SGCD: variants seen among roughly 807,000 people sequenced by gnomAD.
The protein encoded by SGCD is delta-sarcoglycan.
Under a neutral mutation model 36.6 loss-of-function variants are expected in SGCD, and 18 were observed. The ratio of observed to expected loss-of-function variants is 0.49; its 90% CI spans 0.34 to 0.73. The LOEUF (loss-of-function observed/expected upper bound fraction) is 0.73. Among genes scored for constraint, SGCD ranks in the 30% least tolerant of loss-of-function variants. The pLI is 0.01. For missense variants in SGCD, 387 were observed against 346.7 expected (o/e 1.12, Z -0.92); for synonymous variants, 133 against 130.6 (o/e 1.02, Z -0.12).
intron 3 of SGCD, among the ~76,000 whole-genome samples, chr5:156,418,032 AAAGATCGTAG>A (rs1580960492): frequency 1.3e-5 from 2 of 152,184 alleles, no homozygotes; most frequent in Non-Finnish European, 2.9e-5. Flanking sequence ...AGGTATCTAC[AAAGATCGTAG>A]AAGATCGTAG....
intron 3 of SGCD, among the ~76,000 whole-genome samples, chr5:156,232,223 T>A (rs1330085843): frequency 6.6e-6 from 1 of 151,290 alleles, no homozygotes; most frequent in Non-Finnish European, 1.5e-5. Flanking sequence ...TTAGCTTAAG[T>A]GTTTATGATT....
chr5:156,348,707 C>T (rs1166457026), intron 3 of SGCD, among the ~76,000 whole-genome samples: 1 of 152,046 alleles, frequency 6.6e-6, no homozygotes, highest in Non-Finnish European at 1.5e-5. Flanking sequence ...AATGTACTTC[C>T]TATCAAAATA....
rs533507970 is a variant in SGCD, at chr5:156,363,341, G to C, written c.192+18664G>C. Among the ~76,000 whole-genome samples, 42 of 152,200 alleles carry C rather than the reference G, an allele frequency of 2.8e-4. No individual in the cohort carries two copies. In the South Asian group the frequency reaches 8.1e-3, roughly 29 times the overall value. The stretch of plus-strand genomic sequence containing the variant: ...TTATGATTTTATTAAGGGAGTCAGT[G>C]ATTACCCCTGCAACCCACGTTTCAT... On this transcript the variant is annotated intron_variant, in intron 3 of 8. Transcript: ENST00000337851.
chr5:156,146,023 C>T lies in SGCD; in HGVS notation c.-44+22004C>T, dbSNP rs544278023. Among the ~76,000 whole-genome samples the T allele has an allele frequency of 3.3e-5, 5 of 152,166 alleles. No homozygotes were observed. In the East Asian group the frequency reaches 9.7e-4, roughly 29 times the overall value. ...GGTCAGGAGATCGAGACCATCCTGGCTAACATGGTGAAACCCCGTCACTAC... is the reference window on the plus strand; with the variant it reads ...GGTCAGGAGATCGAGACCATCCTGGTTAACATGGTGAAACCCCGTCACTAC... On this transcript the variant is annotated intron_variant, in intron 3 of 9. Transcript: ENST00000517913.
intron 3 of SGCD, among the ~76,000 whole-genome samples, chr5:156,264,570 A>G (rs1453041703): frequency 6.6e-6 from 1 of 152,152 alleles, no homozygotes; most frequent in Non-Finnish European, 1.5e-5. Flanking sequence ...TGTTTTAAGC[A>G]TTCCTTTCCT....
intron 3 of SGCD, among the ~76,000 whole-genome samples, chr5:156,372,648 A>G (rs944748731): frequency 6.6e-6 from 1 of 152,150 alleles, no homozygotes; most frequent in African/African-American, 2.4e-5. Flanking sequence ...AGGGCTAGCA[A>G]TTTATTCAGA....
chr5:156,266,660 T>C (rs1204096293), intron 3 of SGCD, among the ~76,000 whole-genome samples: 1 of 151,980 alleles, frequency 6.6e-6, no homozygotes, highest in Non-Finnish European at 1.5e-5. Context: ...TGTTTAAATA[T>C]TTTGTAGAGA....
At chr5:156,417,251 G>A (rs77301288) in intron 3 of SGCD, among the ~76,000 whole-genome samples, 2,070 of 152,200 alleles carry the variant, frequency 0.014, 22 homozygotes, top group Non-Finnish European at 0.023. Context: ...AATGCCACAT[G>A]TATACTTCCA....
chr5:156,404,196 G>T (rs1244034295), intron 3 of SGCD, among the ~76,000 whole-genome samples: 1 of 152,092 alleles, frequency 6.6e-6, no homozygotes. Context: ...TAAGAATGTT[G>T]TTCCCATTCC....
chr5:155,728,191 C>A, the SGCD span, among the ~76,000 whole-genome samples: 3 of 152,164 alleles, frequency 2.0e-5, no homozygotes, highest in Admixed American at 1.3e-4. Flanking sequence ...ACCCGCGGCT[C>A]GCCCTCGCTC....
chr5:156,021,458 T>C (rs1389803044), intron 1 of SGCD, among the ~76,000 whole-genome samples: 1 of 152,120 alleles, frequency 6.6e-6, no homozygotes, highest in African/African-American at 2.4e-5. Context: ...AGGTTGAGGC[T>C]GCAGTGAGCT....
chr5:156,360,156 C>A (rs1318671194), intron 3 of SGCD, among the ~76,000 whole-genome samples: 1 of 152,094 alleles, frequency 6.6e-6, no homozygotes, highest in East Asian at 1.9e-4. Context: ...ATCCTCAGAT[C>A]AAATTCAGAA....
chr5:156,220,372 T>C (rs2127645381), intron 3 of SGCD, among the ~76,000 whole-genome samples: 1 of 152,314 alleles, frequency 6.6e-6, no homozygotes, highest in East Asian at 1.9e-4. Flanking sequence ...AAAGAATTCA[T>C]TCATGTATCC....
At chr5:156,486,764 T>C (rs946540135) in intron 3 of SGCD, among the ~76,000 whole-genome samples, 1 of 151,954 alleles carries the variant, frequency 6.6e-6, no homozygotes, top group African/African-American at 2.4e-5. Context: ...TGCATGTGCC[T>C]CCTGAAGGAT....
At chr5:155,918,601 A>G (rs771404698) in intron 1 of SGCD, among the ~76,000 whole-genome samples, 19 of 152,174 alleles carry the variant, frequency 1.2e-4, no homozygotes, top group Non-Finnish European at 2.5e-4. Context: ...GGATAAAGTG[A>G]TATATCCAGG....
At chr5:156,022,074 C>T (rs1428379948) in intron 1 of SGCD, among the ~76,000 whole-genome samples, 2 of 152,154 alleles carry the variant, frequency 1.3e-5, no homozygotes, top group African/African-American at 4.8e-5. Context: ...AATCTACTTT[C>T]TGTCTCTACA....
chr5:156,180,931 T>C (rs74872769), intron 3 of SGCD, among the ~76,000 whole-genome samples: 2,213 of 152,342 alleles, frequency 0.015, 26 homozygotes, highest in Non-Finnish European at 0.024. Context: ...TGATGATGAC[T>C]CTGTCTCTTC....
intron 3 of SGCD, among the ~76,000 whole-genome samples, chr5:156,507,717 A>G (rs1049557207): frequency 1.3e-5 from 2 of 152,196 alleles, no homozygotes; most frequent in Admixed American, 1.3e-4. Flanking sequence ...TTAAAATGAC[A>G]TTTATCAAAT....
chr5:156,335,941 C>T (rs78571373), intron 2 of SGCD, among the ~76,000 whole-genome samples: 22,446 of 152,154 alleles, frequency 0.15, 1,805 homozygotes, highest in Middle Eastern at 0.23. Context: ...CTTCCATTCT[C>T]GCTCCTACAA....
Sources: allele counts gnomAD v4.1 joint callset (sites outside exome capture counted in the v4.1 genomes callset), GRCh38; gene constraint gnomAD v4.1.1; transcripts MANE v1.5; gene names NCBI Gene and HGNC (gene_info 2026-07-23, HGNC 2026-07-21).